MB21D2: variants seen among roughly 807,000 people sequenced by gnomAD.
MB21D2 encodes the protein Mab-21 domain containing 2.
Under a neutral mutation model 33.3 loss-of-function variants are expected in MB21D2, and 9 were observed. The observed-to-expected ratio is 0.27, with a 90% confidence interval of 0.16 to 0.47. The LOEUF is 0.47. MB21D2 is among the 20% of genes least tolerant of loss of function. The pLI is 0.99. For missense variants in MB21D2, 540 were observed against 624.6 expected (o/e 0.86, Z 1.44); for synonymous variants, 241 against 236.3 (o/e 1.02, Z -0.18).
At chr3:192,901,086 C>T (rs1353701702) in intron 1 of MB21D2, among the ~76,000 whole-genome samples, 1 of 152,028 alleles carries the variant, frequency 6.6e-6, no homozygotes, top group Admixed American at 6.6e-5. Flanking sequence ...CCCAGGTGAA[C>T]GGCCCGAGAT....
chr3:192,812,126 C>A (rs182514695), intron 1 of MB21D2, among the ~76,000 whole-genome samples: 1 of 152,250 alleles, frequency 6.6e-6, no homozygotes, highest in African/African-American at 2.4e-5. Flanking sequence ...TGGCTCACTG[C>A]AACCTCTGCC....
At chr3:192,915,939 A>C (rs1714453624) in intron 1 of MB21D2, among the ~76,000 whole-genome samples, 1 of 152,070 alleles carries the variant, frequency 6.6e-6, no homozygotes, top group South Asian at 2.1e-4. Flanking sequence ...GCAGACTTCC[A>C]TTATTTATGC....
intron 1 of MB21D2, among the ~76,000 whole-genome samples, chr3:192,908,479 A>G (rs1381214922): frequency 6.6e-6 from 1 of 151,234 alleles, no homozygotes; most frequent in Non-Finnish European, 1.5e-5. Context: ...GCTCACTGCA[A>G]GCTCCGCCTC....
chr3:192,896,594 T>C (rs931592149), intron 1 of MB21D2, among the ~76,000 whole-genome samples: 3 of 152,218 alleles, frequency 2.0e-5, no homozygotes, highest in Admixed American at 1.3e-4. Context: ...AGCACTGGTA[T>C]TGTTCATCTC....
intron 1 of MB21D2, among the ~76,000 whole-genome samples, chr3:192,858,833 G>T (rs111734702): frequency 0.014 from 2,195 of 152,286 alleles, 59 homozygotes; most frequent in African/African-American, 0.05. Flanking sequence ...TACAGGTATT[G>T]CAATATAGGC....
At chr3:192,911,609 CTAATA>C (rs1038578785) in intron 1 of MB21D2, among the ~76,000 whole-genome samples, 5 of 152,132 alleles carry the variant, frequency 3.3e-5, no homozygotes, top group African/African-American at 1.2e-4. Context: ...TTGTTAGAAT[CTAATA>C]TTTCTGTGAA....
intron 1 of MB21D2, among the ~76,000 whole-genome samples, chr3:192,901,673 A>C (rs1714106278): frequency 6.6e-6 from 1 of 152,174 alleles, no homozygotes; most frequent in Non-Finnish European, 1.5e-5. Context: ...ATCATTAGTC[A>C]CTTTTTAGTC....
chr3:192,824,734 A>G (rs1324990430), intron 1 of MB21D2, among the ~76,000 whole-genome samples: 1 of 152,182 alleles, frequency 6.6e-6, no homozygotes, highest in Non-Finnish European at 1.5e-5. Flanking sequence ...CCTTTTTATA[A>G]CGTCACCTGT....
rs953254627 is a variant in MB21D2 at position 192,798,319 on chromosome 3, A to G, written c.*67T>C. ...CTGGATATGTAAAAAACAGAAAGAT[A>G]GCATCACAAACCACACGACACATTA... On this transcript the variant is annotated 3_prime_UTR_variant, in exon 2 of 2. Transcript: ENST00000392452. The surrounding 1 kb of genome is among the most constrained non-coding windows in gnomAD (Gnocchi z 4.8). 4.0e-6 allele frequency: 6 copies of G among 1,518,884 alleles called. No individual in the cohort carries two copies. Among genetic ancestry groups the G allele is most frequent in the East Asian group, 2.3e-5 (1 of 44,308 alleles). 94.1% of individuals were successfully genotyped at this position (1,518,884 alleles called of 1,614,324 possible).
chr3:192,828,773 C>T (rs1453252299), intron 1 of MB21D2, among the ~76,000 whole-genome samples: 10 of 149,740 alleles, frequency 6.7e-5, no homozygotes, highest in Admixed American at 2.7e-4. Context: ...CTCAGCCTCC[C>T]GAGTAGCTAG....
chr3:192,900,727 G>A (rs1714079321), intron 1 of MB21D2, among the ~76,000 whole-genome samples: 1 of 152,122 alleles, frequency 6.6e-6, no homozygotes, highest in Non-Finnish European at 1.5e-5. Flanking sequence ...CAGAGCACGA[G>A]GTCAGGAGTT....
intron 1 of MB21D2, among the ~76,000 whole-genome samples, chr3:192,843,335 G>A (rs146039654): frequency 1.3e-5 from 2 of 152,286 alleles, no homozygotes; most frequent in Admixed American, 6.5e-5. Context: ...AGAGTGGAAT[G>A]CTCATCAGCT....
intron 1 of MB21D2, among the ~76,000 whole-genome samples, chr3:192,845,355 G>A (rs760055787): frequency 6.6e-6 from 1 of 152,188 alleles, no homozygotes; most frequent in Non-Finnish European, 1.5e-5. Flanking sequence ...ATCCCCAAAG[G>A]TTCTCATTTC....
At chr3:192,888,458 T>G (rs1044055281) in intron 1 of MB21D2, among the ~76,000 whole-genome samples, 1 of 152,084 alleles carries the variant, frequency 6.6e-6, no homozygotes, top group African/African-American at 2.4e-5. Flanking sequence ...CATCAACATC[T>G]CTGAAGAATC....
intron 1 of MB21D2, among the ~76,000 whole-genome samples, chr3:192,800,243 CTGTT>C (rs1272239906): frequency 2.0e-5 from 3 of 152,056 alleles, no homozygotes; most frequent in Non-Finnish European, 4.4e-5. Flanking sequence ...TACTAACACA[CTGTT>C]TGACTTTTTT....
chr3:192,896,682 T>C (rs559909721), intron 1 of MB21D2, among the ~76,000 whole-genome samples: 2 of 152,244 alleles, frequency 1.3e-5, no homozygotes, highest in African/African-American at 2.4e-5. Flanking sequence ...CTTCCCCTAC[T>C]GGCCCAGTAT....
At chr3:192,836,700 G>T (rs931563721) in intron 1 of MB21D2, among the ~76,000 whole-genome samples, 7 of 152,198 alleles carry the variant, frequency 4.6e-5, no homozygotes, top group Non-Finnish European at 1.0e-4. Flanking sequence ...AATTTCTGCT[G>T]TTTAAGCTAC....
intron 1 of MB21D2, among the ~76,000 whole-genome samples, chr3:192,846,387 A>G (rs112780250): frequency 6.6e-4 from 100 of 152,318 alleles, no homozygotes; most frequent in African/African-American, 2.3e-3. Context: ...ATGAATCTTC[A>G]TAACAAAGTT....
intron 1 of MB21D2, among the ~76,000 whole-genome samples, chr3:192,881,432 C>T (rs1227601885): frequency 6.6e-6 from 1 of 152,094 alleles, no homozygotes; most frequent in Non-Finnish European, 1.5e-5. Flanking sequence ...GGTTCTAAAA[C>T]AAATGTCAGC....
Sources: allele counts gnomAD v4.1 joint callset (sites outside exome capture counted in the v4.1 genomes callset), GRCh38; gene constraint gnomAD v4.1.1; non-coding constraint Gnocchi (gnomAD v3.1); transcripts MANE v1.5; gene names NCBI Gene and HGNC (gene_info 2026-07-23, HGNC 2026-07-21).